ADCY8: variants seen among roughly 807,000 people sequenced by gnomAD.
The protein encoded by ADCY8 is adenylate cyclase 8.
ADCY8 carries 51 observed loss-of-function variants against 119.7 expected under a neutral mutation model. That is an observed-to-expected ratio of 0.43 (90% confidence interval 0.34 to 0.54). ADCY8 has a LOEUF of 0.54. Ranked by LOEUF, ADCY8 falls within the 20% of genes least tolerant of loss-of-function variation. The probability of loss-of-function intolerance (pLI) is 0.03; values close to 1 mark genes in which losing one functional copy is unlikely to be tolerated. For synonymous variants in ADCY8, 665 were observed against 651.0 expected (o/e 1.02, Z -0.33); for missense variants, 1,383 against 1,598.8 (o/e 0.87, Z 2.30).
At chr8:130,986,217 A>G (rs1822397830) in intron 2 of ADCY8, among the ~76,000 whole-genome samples, 1 of 152,132 alleles carries the variant, frequency 6.6e-6, no homozygotes, top group Non-Finnish European at 1.5e-5. Context: ...AATTGGGTAA[A>G]AGTGCTCTTC....
At chr8:130,836,180 C>G in intron 12 of ADCY8, 97 bp downstream of exon 12, 1 of 1,340,496 alleles carries the variant, frequency 7.5e-7, no homozygotes. Flanking sequence ...CCAATCAGGC[C>G]TTAAGTTTTA....
intron 1 of ADCY8, among the ~76,000 whole-genome samples, chr8:130,993,794 G>A (rs147920647): frequency 0.01 from 1,555 of 152,234 alleles, 29 homozygotes; most frequent in African/African-American, 0.035. Flanking sequence ...CCCAGTCTCA[G>A]GTATGTCTTT....
rs574920628 is a variant in ADCY8 at position 130,894,878 on chromosome 8, C to G, written c.1911+8894G>C. On this transcript the variant is annotated intron_variant, in intron 7 of 17. Transcript: ENST00000286355. ...TGAAAAATGGGAATAAAAATTCACT[C>G]ACATCAAATGCAATTTTGCTTGGAA... 3.3e-5 allele frequency among the ~76,000 whole-genome samples: 5 copies of G among 152,196 alleles called. No individual in the cohort carries two copies. The East Asian group carries it at 9.7e-4, about 29-fold the overall frequency.
At chr8:130,820,206 A>G (rs142807933) in intron 13 of ADCY8, among the ~76,000 whole-genome samples, 1,662 of 152,266 alleles carry the variant, frequency 0.011, 40 homozygotes, top group African/African-American at 0.035. Context: ...TACACTGTAC[A>G]ATCCCCTTTA....
At chr8:131,010,866 T>C (rs771225619) in intron 1 of ADCY8, among the ~76,000 whole-genome samples, 9 of 152,264 alleles carry the variant, frequency 5.9e-5, no homozygotes, top group Admixed American at 2.0e-4. Flanking sequence ...TGCTGAAATA[T>C]GATACATCCA....
At chr8:130,968,220 G>C (rs1029265096) in intron 2 of ADCY8, among the ~76,000 whole-genome samples, 2 of 151,738 alleles carry the variant, frequency 1.3e-5, no homozygotes, top group African/African-American at 4.8e-5. Flanking sequence ...ACCCAGGCTG[G>C]AGTGCAGTGG....
chr8:131,029,658 C>T (rs1257723495), intron 1 of ADCY8, among the ~76,000 whole-genome samples: 1 of 152,170 alleles, frequency 6.6e-6, no homozygotes, highest in Non-Finnish European at 1.5e-5. Context: ...TGGATAATTA[C>T]TTGAATTTTT....
chr8:131,006,818 C>T (rs879530895), intron 1 of ADCY8, among the ~76,000 whole-genome samples: 22 of 152,230 alleles, frequency 1.4e-4, no homozygotes, highest in Admixed American at 8.5e-4. Context: ...TAATAATTTC[C>T]TCAGAAAGGC....
At chr8:130,943,487 G>C in intron 3 of ADCY8, 25 bp from the exon 4 acceptor site, 1 of 791,090 alleles carries the variant, frequency 1.3e-6, no homozygotes, top group Non-Finnish European at 2.0e-6. Context: ...GAGGGTGGGG[G>C]TGGGGGGAGG....
intron 1 of ADCY8, among the ~76,000 whole-genome samples, chr8:131,014,509 G>A (rs569380954): frequency 7.3e-5 from 11 of 150,684 alleles, no homozygotes; most frequent in African/African-American, 2.7e-4. Flanking sequence ...ACTTAACACA[G>A]CTAAGCCTAT....
At chr8:131,018,459 T>C (rs1278907507) in intron 1 of ADCY8, among the ~76,000 whole-genome samples, 1 of 152,238 alleles carries the variant, frequency 6.6e-6, no homozygotes, top group Non-Finnish European at 1.5e-5. Flanking sequence ...TGTTCATTCA[T>C]TCAATAAAAT....
At chr8:130,793,932 A>T (rs1197692271) in intron 15 of ADCY8, among the ~76,000 whole-genome samples, 1 of 152,210 alleles carries the variant, frequency 6.6e-6, no homozygotes, top group African/African-American at 2.4e-5. Context: ...TTTGGAAATA[A>T]GTTTTTTGCA....
At chr8:131,011,281 T>C (rs1823294363) in intron 1 of ADCY8, among the ~76,000 whole-genome samples, 1 of 152,194 alleles carries the variant, frequency 6.6e-6, no homozygotes, top group African/African-American at 2.4e-5. Context: ...ATTTTCAACA[T>C]TGCTGTGGAA....
chr8:131,022,964 G>A (rs1823719896), intron 1 of ADCY8, among the ~76,000 whole-genome samples: 1 of 152,162 alleles, frequency 6.6e-6, no homozygotes, highest in South Asian at 2.1e-4. Flanking sequence ...TGGTGATGGT[G>A]AGAGTCAGTG....
intron 9 of ADCY8, among the ~76,000 whole-genome samples, chr8:130,863,635 A>C (rs1818019483): frequency 6.6e-6 from 1 of 152,068 alleles, no homozygotes; most frequent in Admixed American, 6.6e-5. Context: ...TTCTCTCTTT[A>C]AAAACGTTTT....
intron 2 of ADCY8, among the ~76,000 whole-genome samples, chr8:130,965,634 C>T (rs1482501282): frequency 6.6e-6 from 1 of 152,096 alleles, no homozygotes; most frequent in Non-Finnish European, 1.5e-5. Context: ...TGTGTATGCC[C>T]ATGAACCCAC....
At chr8:130,820,535 A>G (rs1816475969) in intron 13 of ADCY8, among the ~76,000 whole-genome samples, 1 of 152,216 alleles carries the variant, frequency 6.6e-6, no homozygotes, top group Non-Finnish European at 1.5e-5. Context: ...GAGAAGACCT[A>G]CTGGTCTTTG....
At position 130,852,180 on chromosome 8, in the gene ADCY8, T is replaced by G. The variant is rs777096249; in HGVS notation, c.2211-2377A>C. On this transcript the variant is annotated intron_variant, in intron 9 of 17. Transcript: ENST00000286355. ...GGAAAGAGTAACCAAGAATGTCAAT[T>G]TCCTCTGCATGATGAGGCTACTTTA... Among the ~76,000 whole-genome samples the G allele has an allele frequency of 9.2e-5, 14 of 152,176 alleles. 1 individual carries two copies. The highest frequency in any genetic ancestry group is 1.3e-4 in the Non-Finnish European group (9 of 68,026).
At position 131,033,601 on chromosome 8, in the gene ADCY8, C is replaced by T. The variant is rs146904069; in HGVS notation, c.960+5773G>A. ...TCATAATTCAATCTTGCAAAGCACA[C>T]ACTACACAATCATTTTACAACTCTC... On this transcript the variant is annotated intron_variant, in intron 1 of 17. Coordinates refer to ENST00000286355, the MANE Select transcript of ADCY8 (RefSeq NM_001115.3). Among the ~76,000 whole-genome samples, 1,155 of 151,682 alleles carry T rather than the reference C, an allele frequency of 7.6e-3. 8 individuals carry two copies. Among genetic ancestry groups the T allele is most frequent in the African/African-American group, 0.027 (1,116 of 41,100 alleles).
Sources: gnomAD v4.1 joint callset for allele counts (sites outside exome capture counted in the v4.1 genomes callset) on GRCh38, gnomAD v4.1.1 for gene constraint, MANE v1.5 for transcripts, NCBI Gene and HGNC (gene_info 2026-07-23, HGNC 2026-07-21) for gene names.